The following CCDC149 variants were observed in gnomAD, a reference collection of about 807,000 sequenced individuals.
CCDC149 encodes coiled-coil domain containing 149, also known as coiled-coil domain-containing protein 149.
Under a neutral mutation model 59.9 loss-of-function variants are expected in CCDC149, and 45 were observed. The ratio of observed to expected loss-of-function variants is 0.75; its 90% CI spans 0.59 to 0.96. The LOEUF is 0.96. Ranked by LOEUF, CCDC149 falls within the 40% of genes least tolerant of loss-of-function variation. The pLI is 0.00. For missense variants in CCDC149, 584 were observed against 664.7 expected (o/e 0.88, Z 1.33); for synonymous variants, 245 against 260.6 (o/e 0.94, Z 0.58).
intron 1 of CCDC149, among the ~76,000 whole-genome samples, chr4:24,886,205 C>G (rs1720169460): frequency 6.6e-6 from 1 of 152,110 alleles, no homozygotes; most frequent in African/African-American, 2.4e-5. Flanking sequence ...GGATACTGGC[C>G]CTTATAGACT....
chr4:24,890,242 C>T (rs1050521859), intron 1 of CCDC149, among the ~76,000 whole-genome samples: 1 of 152,164 alleles, frequency 6.6e-6, no homozygotes, highest in Non-Finnish European at 1.5e-5. Context: ...CTACTCAGTC[C>T]TAACAGATGA....
intron 4 of CCDC149, among the ~76,000 whole-genome samples, chr4:24,847,335 T>C (rs891519454): frequency 2.0e-5 from 3 of 152,246 alleles, no homozygotes; most frequent in Non-Finnish European, 2.9e-5. Flanking sequence ...CAACACCCTT[T>C]ACAAACGATA....
intron 1 of CCDC149, among the ~76,000 whole-genome samples, chr4:24,898,210 A>T (rs1261341346): frequency 6.6e-6 from 1 of 152,186 alleles, no homozygotes; most frequent in East Asian, 1.9e-4. Flanking sequence ...GCATCGCCTC[A>T]CCTGGAGAGG....
intron 1 of CCDC149, among the ~76,000 whole-genome samples, chr4:24,963,921 G>C (rs947397700): frequency 6.6e-6 from 1 of 152,176 alleles, no homozygotes; most frequent in Non-Finnish European, 1.5e-5. Context: ...TAGCACTTTG[G>C]GAGGCCAAGG....
At chr4:24,840,845 CAG>C (rs1716893065) in intron 4 of CCDC149, among the ~76,000 whole-genome samples, 1 of 152,166 alleles carries the variant, frequency 6.6e-6, no homozygotes, top group Non-Finnish European at 1.5e-5. Flanking sequence ...TGATGTTAAA[CAG>C]AGACACACAT....
At chr4:24,856,310 A>G (rs888225140) in intron 3 of CCDC149, among the ~76,000 whole-genome samples, 2 of 152,262 alleles carry the variant, frequency 1.3e-5, no homozygotes, top group African/African-American at 4.8e-5. Flanking sequence ...CAATACAGAC[A>G]AAACCCTTGC....
chr4:24,955,133 A>C (rs1723430975), intron 1 of CCDC149, among the ~76,000 whole-genome samples: 2 of 152,138 alleles, frequency 1.3e-5, no homozygotes, highest in African/African-American at 4.8e-5. Flanking sequence ...ATGGAGAAGA[A>C]AAGTTTATTT....
chr4:24,936,618 C>T (rs1251308801), intron 1 of CCDC149, among the ~76,000 whole-genome samples: 1 of 152,156 alleles, frequency 6.6e-6, no homozygotes, highest in Non-Finnish European at 1.5e-5. Flanking sequence ...TTGTTATTTT[C>T]TATAGTTACT....
chr4:24,837,428 A>T lies in CCDC149; in HGVS notation c.490-28T>A. On this transcript the variant is annotated intron_variant, in intron 5 of 12. Transcript: ENST00000635206. The surrounding 1 kb of genome is among the most constrained non-coding windows in gnomAD (Gnocchi z 4.3). ...AAAACCACAGGGAGAGCCCTTACTC[A>T]AGATGTTCCTCAGGCTCCAGCTTTA... The T allele has an allele frequency of 1.2e-6, 2 of 1,611,164 alleles. No individual in the cohort carries two copies.
At position 24,863,149 on chromosome 4, in the gene CCDC149, C is replaced by A. The variant is rs2067106; in HGVS notation, c.265-9970G>T. Among the ~76,000 whole-genome samples, 122 of 152,036 alleles carry A rather than the reference C, an allele frequency of 8.0e-4. 1 individual carries two copies. The highest frequency in any genetic ancestry group is 2.7e-3 in the African/African-American group (111 of 41,484). ...CTCTATTAAAAATATAAAAATTAGC[C>A]GGGCGTGGCGGTATGCACCCGTAGT... On this transcript the variant is annotated intron_variant, in intron 3 of 12. Coordinates refer to ENST00000635206, the MANE Select transcript of CCDC149 (RefSeq NM_001330643.2).
intron 3 of CCDC149, among the ~76,000 whole-genome samples, chr4:24,866,145 GT>G (rs1294307036): frequency 2.0e-5 from 3 of 152,190 alleles, no homozygotes; most frequent in East Asian, 1.9e-4. Context: ...GAAATGAAAG[GT>G]TCCTTCCCAT....
intron 1 of CCDC149, among the ~76,000 whole-genome samples, chr4:24,960,243 CA>C (rs1410376496): frequency 2.0e-5 from 3 of 151,716 alleles, no homozygotes; most frequent in African/African-American, 7.3e-5. Context: ...ACTCCTAAAA[CA>C]AAAAAGATAA....
intron 7 of CCDC149, 101 bp from the exon 8 acceptor site, chr4:24,835,133 C>A: frequency 1.4e-6 from 1 of 725,088 alleles, no homozygotes. Context: ...GAACCCCTTG[C>A]AAACTCCAAG....
At chr4:24,909,295 C>T (rs1023717066) in intron 1 of CCDC149, among the ~76,000 whole-genome samples, 2 of 152,122 alleles carry the variant, frequency 1.3e-5, no homozygotes, top group Non-Finnish European at 2.9e-5. Context: ...TGCAAGCCCA[C>T]GAAAATCCCA....
At chr4:24,864,432 C>T (rs548958738) in intron 3 of CCDC149, among the ~76,000 whole-genome samples, 24 of 152,294 alleles carry the variant, frequency 1.6e-4, no homozygotes, top group African/African-American at 5.8e-4. Flanking sequence ...CCAACTGGTC[C>T]TGTGACCCTC....
chr4:24,874,260 G>GTTTT lies in CCDC149; in HGVS notation c.226-545_226-542dup, dbSNP rs1233579287. ...ATTAGATTTGTTTTTTTTTTTTTTTGTTTTGTTTTTTTTTGTTTTTTTGCC... is the reference window on the plus strand; with the variant it reads ...ATTAGATTTGTTTTTTTTTTTTTTTGTTTTTTTTGTTTTTTTTTGTTTTTTTGCC... On this transcript the variant is annotated intron_variant, in intron 2 of 12. Transcript: ENST00000635206. 8.6e-4 allele frequency among the ~76,000 whole-genome samples: 29 copies of GTTTT among 33,848 alleles called. 2 individuals carry two copies. The highest frequency in any genetic ancestry group is 2.6e-3 in the African/African-American group (29 of 11,218). The allele number at this position is 33,848 out of a possible 152,430, so 22.2% of individuals were successfully genotyped here.
At position 24,872,685 on chromosome 4, in the gene CCDC149, C is replaced by T. The variant is rs114614413; in HGVS notation, c.264+996G>A. ...TATGAACCCACTGAACAGTATGCAC[C>T]CACTAAATGGTATGTACCCACAAAA... On this transcript the variant is annotated intron_variant, in intron 3 of 12. Transcript: ENST00000635206. 6.5e-3 allele frequency among the ~76,000 whole-genome samples: 981 copies of T among 151,414 alleles called. 5 individuals are homozygous for T. The highest frequency in any genetic ancestry group is 0.022 in the African/African-American group (924 of 41,208).
chr4:24,978,442 T>C (rs552896089), intron 1 of CCDC149, among the ~76,000 whole-genome samples: 1 of 152,338 alleles, frequency 6.6e-6, no homozygotes. Flanking sequence ...GTAAGTTGCA[T>C]GTGGTGGTTT....
At chr4:24,886,596 G>T (rs1033570812) in intron 1 of CCDC149, among the ~76,000 whole-genome samples, 2 of 151,826 alleles carry the variant, frequency 1.3e-5, no homozygotes, top group African/African-American at 4.8e-5. Context: ...ACCAACCTGG[G>T]GAGGATCCAT....
Sources: gnomAD v4.1 joint callset for allele counts (sites outside exome capture counted in the v4.1 genomes callset) on GRCh38, gnomAD v4.1.1 for gene constraint, Gnocchi (gnomAD v3.1) non-coding constraint, MANE v1.5 for transcripts, NCBI Gene and HGNC (gene_info 2026-07-23, HGNC 2026-07-21) for gene names.